Variants in KLF8 observed in about 807,000 individuals in gnomAD.
KLF8 encodes the protein Krueppel-like factor 8.
KLF8 carries 10 observed loss-of-function variants against 18.2 expected under a neutral mutation model. That is an observed-to-expected ratio of 0.55 (90% confidence interval 0.34 to 0.93). The LOEUF is 0.93. Ranked by LOEUF, KLF8 falls within the 40% of genes least tolerant of loss-of-function variation. The probability of loss-of-function intolerance (pLI) is 0.02; values close to 1 mark genes in which losing one functional copy is unlikely to be tolerated. For missense variants in KLF8, 264 were observed against 277.9 expected (o/e 0.95, Z 0.36); for synonymous variants, 109 against 97.3 (o/e 1.12, Z -0.71).
the KLF8 span, among the ~76,000 whole-genome samples, chrX:55,948,331 A>C: frequency 8.9e-6 from 1 of 111,757 alleles, no homozygotes; most frequent in Non-Finnish European, 1.9e-5. Flanking sequence ...TGTCATACAT[A>C]GACAAATAGG....
the KLF8 span, among the ~76,000 whole-genome samples, chrX:55,948,187 C>A: frequency 8.9e-6 from 1 of 112,265 alleles, no homozygotes; most frequent in East Asian, 2.8e-4. Flanking sequence ...TTTACACTCA[C>A]ACTAGAAGTT....
At chrX:56,140,565 T>G in the KLF8 span, among the ~76,000 whole-genome samples, 3 of 110,438 alleles carry the variant, frequency 2.7e-5, no homozygotes, top group Non-Finnish European at 5.7e-5. Context: ...GGAGTACACA[T>G]GTACACAAAG....
chrX:55,953,669 G>GT, the KLF8 span, among the ~76,000 whole-genome samples: 1 of 110,761 alleles, frequency 9.0e-6, no homozygotes, highest in Admixed American at 9.6e-5. Context: ...ATAATCCCAT[G>GT]TGTCTATGGC....
chrX:56,227,356 C>T (rs867730334), upstream of KLF8, among the ~76,000 whole-genome samples: 6 of 96,079 alleles, frequency 6.2e-5, no homozygotes, highest in African/African-American at 1.9e-4. Context: ...AAGTCTTTTT[C>T]TTTTTTTTTT....
the KLF8 span, among the ~76,000 whole-genome samples, chrX:55,937,114 A>C: frequency 9.0e-6 from 1 of 111,255 alleles, no homozygotes; most frequent in East Asian, 2.9e-4. Flanking sequence ...CCTAACTGGG[A>C]GGCACCCCAG....
the KLF8 span, among the ~76,000 whole-genome samples, chrX:56,028,941 C>T: frequency 0.021 from 2,285 of 110,894 alleles, 28 homozygotes; most frequent in Non-Finnish European, 0.033. Context: ...AGTCCTTGGT[C>T]CCTGGCTTGG....
At chrX:56,252,771 A>G (rs1173717130) in intron 2 of KLF8, among the ~76,000 whole-genome samples, 1 of 111,897 alleles carries the variant, frequency 8.9e-6, no homozygotes, top group Non-Finnish European at 1.9e-5. Context: ...TAGTAGCTCA[A>G]TTTTCAATTT....
At chrX:56,039,581 G>C in the KLF8 span, among the ~76,000 whole-genome samples, 2 of 111,286 alleles carry the variant, frequency 1.8e-5, no homozygotes, top group African/African-American at 3.3e-5. Flanking sequence ...ATATTCCATT[G>C]GTCAATGTTT....
At chrX:56,266,017 T>A (rs1278143062) in intron 3 of KLF8, 2 of 849,738 alleles carry the variant, frequency 2.4e-6, no homozygotes, top group African/African-American at 4.2e-5. Context: ...TGATATTAAA[T>A]AATTTAAGCA....
At chrX:56,110,450 A>T in the KLF8 span, among the ~76,000 whole-genome samples, 2 of 111,877 alleles carry the variant, frequency 1.8e-5, no homozygotes, top group African/African-American at 6.5e-5. Context: ...TGATTAAGTC[A>T]TTTATGTGTA....
the KLF8 span, among the ~76,000 whole-genome samples, chrX:55,968,122 T>C: frequency 2.7e-5 from 3 of 111,260 alleles, no homozygotes; most frequent in Non-Finnish European, 3.8e-5. Flanking sequence ...AGACCAAATG[T>C]GTCTAATGGA....
chrX:56,142,485 G>A, the KLF8 span, among the ~76,000 whole-genome samples: 4 of 110,746 alleles, frequency 3.6e-5, no homozygotes, highest in Admixed American at 2.9e-4. Context: ...TTGTTTCTTT[G>A]TATGCTCGCT....
the KLF8 span, among the ~76,000 whole-genome samples, chrX:56,047,138 T>A: frequency 9.0e-6 from 1 of 110,793 alleles, no homozygotes; most frequent in Non-Finnish European, 1.9e-5. Flanking sequence ...TTCTCCTGCT[T>A]ATTTGACTCT....
the KLF8 span, chrX:55,908,468 A>G: frequency 3.4e-6 from 1 of 297,400 alleles, no homozygotes; most frequent in Non-Finnish European, 5.9e-6. Flanking sequence ...AGATACCAAA[A>G]GGAAGAAAAA....
the KLF8 span, among the ~76,000 whole-genome samples, chrX:55,964,129 G>A: frequency 9.0e-6 from 1 of 111,643 alleles, no homozygotes; most frequent in Non-Finnish European, 1.9e-5. Context: ...ACAGAGTTAA[G>A]AGGAAAGTTT....
At chrX:56,164,577 C>T in the KLF8 span, among the ~76,000 whole-genome samples, 107 of 91,201 alleles carry the variant, frequency 1.2e-3, 1 homozygote, top group Non-Finnish European at 2.1e-3. Context: ...GTACTTTTTC[C>T]AGTTTTTTTT....
intron 5 of KLF8, among the ~76,000 whole-genome samples, chrX:56,271,068 T>C (rs1468146432): frequency 8.9e-6 from 1 of 112,331 alleles, no homozygotes; most frequent in Non-Finnish European, 1.9e-5. Flanking sequence ...AGCATTTACA[T>C]GGTATTAGGT....
chrX:56,123,253 A>AAAAG, the KLF8 span, among the ~76,000 whole-genome samples: 6 of 90,009 alleles, frequency 6.7e-5, no homozygotes, highest in Admixed American at 1.2e-4. Context: ...AAAAGAAAGA[A>AAAAG]AAAGAAAGAA....
the KLF8 span, among the ~76,000 whole-genome samples, chrX:55,994,960 A>G: frequency 9.0e-6 from 1 of 111,700 alleles, no homozygotes; most frequent in Non-Finnish European, 1.9e-5. Context: ...TATTTCCTGA[A>G]TATCTTTGTT....
Sources: gnomAD v4.1 joint callset for allele counts (sites outside exome capture counted in the v4.1 genomes callset) on GRCh38, gnomAD v4.1.1 for gene constraint, MANE v1.5 for transcripts, NCBI Gene and HGNC (gene_info 2026-07-23, HGNC 2026-07-21) for gene names.